The following CCT8 variants were observed in gnomAD, a reference collection of about 807,000 sequenced individuals.
CCT8 encodes the protein chaperonin containing TCP1 subunit 8.
Under a neutral mutation model 65.7 loss-of-function variants are expected in CCT8, and 10 were observed. The ratio of observed to expected loss-of-function variants is 0.15; its 90% CI spans 0.09 to 0.26. The LOEUF (loss-of-function observed/expected upper bound fraction) is 0.26. Among genes scored for constraint, CCT8 ranks in the 10% least tolerant of loss-of-function variants. CCT8 has a pLI of 1.00. For synonymous variants in CCT8, 199 were observed against 221.8 expected (o/e 0.90, Z 0.92); for missense variants, 568 against 669.1 (o/e 0.85, Z 1.67).
rs2085587264 is a variant in CCT8 at position 29,063,545 on chromosome 21, A to G, written c.763-15T>C. 1.2e-6 allele frequency: 2 copies of G among 1,610,020 alleles called. No individual in the cohort carries two copies. The highest frequency in any genetic ancestry group is 8.5e-7 in the Non-Finnish European group (1 of 1,177,776). On this transcript the variant is annotated splice_polypyrimidine_tract_variant and intron_variant, in intron 7 of 14. Coordinates refer to ENST00000286788, the MANE Select transcript of CCT8 (RefSeq NM_006585.4). ...AACACTGTTCCCTGGCAAAACAAGTAAACATTCCCTTTAAAATCATTTCAC... is the reference window on the plus strand; with the variant it reads ...AACACTGTTCCCTGGCAAAACAAGTGAACATTCCCTTTAAAATCATTTCAC...
At chr21:29,056,573 C>A in intron 14 of CCT8, 21 bp from the exon 15 acceptor site, 1 of 1,463,708 alleles carries the variant, frequency 6.8e-7, no homozygotes, top group South Asian at 1.4e-5. Flanking sequence ...AAGAATCACA[C>A]AAGAGTATGC....
intron 7 of CCT8, among the ~76,000 whole-genome samples, chr21:29,064,133 T>C (rs187685002): frequency 1.8e-4 from 27 of 152,170 alleles, no homozygotes; most frequent in Non-Finnish European, 3.2e-4. Flanking sequence ...GGCTAACTAG[T>C]GTTCCCAATA....
intron 14 of CCT8, chr21:29,060,214 G>A (rs183844942): frequency 1.1e-3 from 198 of 172,264 alleles, no homozygotes; most frequent in African/African-American, 4.6e-3. Context: ...GACAGCTAGA[G>A]ACTCCATTTT....
intron 14 of CCT8, 86 bp downstream of exon 14, chr21:29,060,455 T>G: frequency 7.5e-7 from 1 of 1,341,250 alleles, no homozygotes; most frequent in East Asian, 2.3e-5. Context: ...GAATTAGAAC[T>G]ATGCTATGTT....
At chr21:29,062,915 A>G in intron 8 of CCT8, 1 of 341,920 alleles carries the variant, frequency 2.9e-6, no homozygotes, top group African/African-American at 2.1e-5. Flanking sequence ...ACTTTGTGCA[A>G]TCAATGTTCT....
chr21:29,070,365 C>G, intron 1 of CCT8, 28 bp from the exon 2 acceptor site: 1 of 1,439,400 alleles, frequency 6.9e-7, no homozygotes, highest in South Asian at 1.2e-5. Flanking sequence ...CAAAAAACCC[C>G]GCTAATTAGA....
chr21:29,072,808 C>T (rs565067597), intron 1 of CCT8, among the ~76,000 whole-genome samples: 1 of 152,294 alleles, frequency 6.6e-6, no homozygotes, highest in South Asian at 2.1e-4. Flanking sequence ...AACTAACGTT[C>T]AAGAAAAGGC....
chr21:29,070,551 T>C (rs2085669771), intron 1 of CCT8, among the ~76,000 whole-genome samples: 1 of 152,210 alleles, frequency 6.6e-6, no homozygotes, highest in Admixed American at 6.5e-5. Flanking sequence ...TAAAATGAAG[T>C]AATTATAATA....
In CCT8 at chr21:29,062,367, A is replaced by T; in HGVS notation, c.1057T>A (p.Ser353Thr). The stretch of plus-strand genomic sequence containing the variant: ...ACCACCTGAGTATCTCCAACTTCTG[A>T]GAGGTAAACACTGTCACAGTGTCCC... ...EMGHCDSVYLSEVGDTQVVVF... is the reference protein window; with the variant it reads ...EMGHCDSVYLTEVGDTQVVVF... Residue 353 changes from serine to threonine, a missense_variant, in exon 10 of 15, where the codon TCA (serine) becomes ACA (threonine). By Grantham distance (58) the Ser-to-Thr change is moderately conservative. Coordinates refer to ENST00000286788, the MANE Select transcript of CCT8 (RefSeq NM_006585.4). 6.2e-7 allele frequency: 1 copy of T among 1,614,022 alleles called. No homozygotes were observed. Among genetic ancestry groups the T allele is most frequent in the Non-Finnish European group, 8.5e-7 (1 of 1,179,878 alleles).
At chr21:29,061,445 C>G in intron 12 of CCT8, 28 bp from the exon 13 acceptor site, 1 of 1,613,748 alleles carries the variant, frequency 6.2e-7, no homozygotes, top group East Asian at 2.2e-5. Context: ...TAATTACTGT[C>G]TTTTATTCAA....
At chr21:29,064,407 T>A in intron 7 of CCT8, among the ~76,000 whole-genome samples, 1 of 29,406 alleles carries the variant, frequency 3.4e-5, no homozygotes, top group Non-Finnish European at 5.8e-5. Context: ...AAAGCAAGAC[T>A]CTAAAAAAAA....
intron 11 of CCT8, 37 bp from the exon 12 acceptor site, chr21:29,061,604 C>A (rs1297084108): frequency 6.3e-7 from 1 of 1,582,064 alleles, no homozygotes; most frequent in Non-Finnish European, 8.6e-7. Flanking sequence ...AAAATGAACA[C>A]AAAACAAATT....
intron 1 of CCT8, chr21:29,073,190 A>G (rs955326695): frequency 1.2e-5 from 11 of 934,708 alleles, no homozygotes; most frequent in Non-Finnish European, 1.5e-5. Context: ...ACGTTATTCA[A>G]TTTCACCCTC....
At chr21:29,063,004 G>T in intron 8 of CCT8, 1 of 344,640 alleles carries the variant, frequency 2.9e-6, no homozygotes, top group Non-Finnish European at 5.3e-6. Flanking sequence ...AAGTTGTCTA[G>T]TGTGCACCAT....
rs180768186 is a variant in CCT8, at chr21:29,058,388, C to T, written c.1570-1836G>A. Among the ~76,000 whole-genome samples the T allele has an allele frequency of 1.5e-3, 229 of 151,752 alleles. 3 individuals carry two copies. Among genetic ancestry groups the T allele is most frequent in the African/African-American group, 5.4e-3 (225 of 41,414 alleles). ...CCTGGGAGGTGGCGGTTGCAGTAAGCTGAGATCACACCACTGCACTCCAGC... is the reference window on the plus strand; with the variant it reads ...CCTGGGAGGTGGCGGTTGCAGTAAGTTGAGATCACACCACTGCACTCCAGC... On this transcript the variant is annotated intron_variant, in intron 14 of 14. Transcript: ENST00000286788.
Position 29,073,645 on chromosome 21 carries a change from G to T in CCT8, c.-55C>A. ...CCGCTCGGAAGACCGCGGAGGAAGC[G>T]AGGAGCACGCACAGCCTTCTGGGAA... is the stretch of plus-strand genomic sequence containing the variant. On this transcript the variant is annotated 5_prime_UTR_variant, in exon 1 of 15. Coordinates refer to ENST00000286788, the MANE Select transcript of CCT8 (RefSeq NM_006585.4). The T allele has an allele frequency of 6.5e-7, 1 of 1,531,472 alleles. No homozygotes were observed. Among genetic ancestry groups the T allele is most frequent in the Non-Finnish European group, 9.0e-7 (1 of 1,107,302 alleles). 94.9% of individuals were successfully genotyped at this position (1,531,472 alleles called of 1,614,324 possible).
chr21:29,063,321 T>C (rs2085584294), intron 8 of CCT8, 31 bp downstream of exon 8: 3 of 1,560,732 alleles, frequency 1.9e-6, no homozygotes, highest in Admixed American at 1.7e-5. Context: ...ATTTATGATA[T>C]AGGTAAAAAA....
rs765056164 is a variant in CCT8, at chr21:29,066,935, T to C, written c.518A>G (p.Tyr173Cys). 6.2e-7 allele frequency: 1 copy of C among 1,612,896 alleles called. No individual in the cohort carries two copies. Among genetic ancestry groups the C allele is most frequent in the Non-Finnish European group, 8.5e-7 (1 of 1,179,242 alleles). ...CTTGGCCAGAAATACTTCATTACCA[T>C]ATTGTTTACTCATTATGGAGGTACG... Reference protein sequence around the residue: ...LLRTSIMSKQYGNEVFLAKLI... With the variant: ...LLRTSIMSKQCGNEVFLAKLI... Residue 173 changes from tyrosine (Y) to cysteine (C), a missense_variant, in exon 5 of 15, where the codon TAT (tyrosine) becomes TGT (cysteine). By Grantham distance (194) the Tyr-to-Cys change is radical. Coordinates refer to ENST00000286788, the MANE Select transcript of CCT8 (RefSeq NM_006585.4).
intron 14 of CCT8, among the ~76,000 whole-genome samples, chr21:29,058,660 C>G (rs2085530813): frequency 6.8e-6 from 1 of 147,856 alleles, no homozygotes; most frequent in African/African-American, 2.5e-5. Flanking sequence ...GGTGCCATCT[C>G]TACTCACTGC....
Sources: allele counts gnomAD v4.1 joint callset (sites outside exome capture counted in the v4.1 genomes callset), GRCh38; gene constraint gnomAD v4.1.1; transcripts MANE v1.5; gene names NCBI Gene and HGNC (gene_info 2026-07-23, HGNC 2026-07-21).